The following B4GALT6 variants were observed in gnomAD, a reference collection of about 807,000 sequenced individuals.
The protein encoded by B4GALT6 is beta-1,4-galactosyltransferase 6.
B4GALT6 carries 14 observed loss-of-function variants against 46.3 expected under a neutral mutation model. That is an observed-to-expected ratio of 0.30 (90% CI 0.20 to 0.47). The LOEUF (loss-of-function observed/expected upper bound fraction) is 0.47. Ranked by LOEUF, B4GALT6 falls within the 20% of genes least tolerant of loss-of-function variation. B4GALT6 has a pLI of 0.99. For missense variants in B4GALT6, 386 were observed against 480.1 expected (o/e 0.80, Z 1.83); for synonymous variants, 168 against 162.0 (o/e 1.04, Z -0.28).
chr18:31,723,743 A>G, the B4GALT6 span, among the ~76,000 whole-genome samples: 6 of 152,196 alleles, frequency 3.9e-5, no homozygotes, highest in Admixed American at 1.3e-4. Flanking sequence ...TTTGGAATAA[A>G]TGACCGTAAT....
At chr18:31,674,169 C>T (rs1483104729) in intron 1 of B4GALT6, among the ~76,000 whole-genome samples, 2 of 152,014 alleles carry the variant, frequency 1.3e-5, no homozygotes, top group African/African-American at 4.8e-5. Context: ...AACATACCAC[C>T]CCACGACAGG....
rs869030382 is a variant in B4GALT6 at position 31,629,447 on chromosome 18, A to ATTTTTTTTT, written c.776+1503_776+1511dup. Among the ~76,000 whole-genome samples the ATTTTTTTTT allele has an allele frequency of 1.6e-3, 54 of 32,884 alleles. 12 individuals carry two copies. The highest frequency in any genetic ancestry group is 0.01 in the East Asian group (6 of 594). The allele number at this position is 32,884 out of a possible 152,430, so 21.6% of individuals were successfully genotyped here. ...ATTCTTAGTTTATATGCCCTTTATG[A>ATTTTTTTTT]TTTTTTTTTTTTTTTTTTTTTTTTT... On this transcript the variant is annotated intron_variant, in intron 6 of 8. Transcript: ENST00000306851.
rs758589504 is a variant in B4GALT6 at position 31,638,662 on chromosome 18, C to T, written c.570G>A (p.Ala190=). 2.7e-5 allele frequency: 44 copies of T among 1,613,474 alleles called. No homozygotes were observed. The highest frequency in any genetic ancestry group is 6.7e-5 in the African/African-American group (5 of 74,868). Residue 190 remains alanine (A), a synonymous_variant, in exon 5 of 9, where the codon GCG becomes GCA. Transcript: ENST00000306851. ...TTCTCACCTGTTCAATGACATAAAACGCAAATTCCAGCCGCTGCTTCTGGA... is the reference window on the plus strand; with the variant it reads ...TTCTCACCTGTTCAATGACATAAAATGCAAATTCCAGCCGCTGCTTCTGGA... The part of the protein sequence containing the change: ...PMLQKQRLEF[A]FYVIEQTGTQ...
At position 31,641,848 on chromosome 18, in the gene B4GALT6, C is replaced by T. The variant is rs368827007; in HGVS notation, c.472-3088G>A. Among the ~76,000 whole-genome samples, 10 of 152,290 alleles carry T rather than the reference C, an allele frequency of 6.6e-5. No individual in the cohort carries two copies. The East Asian group carries it at 1.3e-3, about 21-fold the overall frequency. On this transcript the variant is annotated intron_variant, in intron 4 of 8. Coordinates refer to ENST00000306851, the MANE Select transcript of B4GALT6 (RefSeq NM_004775.5). ...TCTCCTATATACACCATGAGGAGAA[C>T]ATCAAGAAAAATGTGTATCACATCA...
At chr18:31,636,676 A>G (rs1447526099) in intron 5 of B4GALT6, among the ~76,000 whole-genome samples, 2 of 152,224 alleles carry the variant, frequency 1.3e-5, no homozygotes, top group Non-Finnish European at 2.9e-5. Context: ...CTTAAATATG[A>G]GGTGACAATA....
intron 1 of B4GALT6, among the ~76,000 whole-genome samples, chr18:31,669,194 T>C (rs1331525472): frequency 3.3e-5 from 5 of 152,310 alleles, no homozygotes; most frequent in African/African-American, 7.2e-5. Context: ...CAAAGTTTCA[T>C]TGAGATATTC....
chr18:31,626,605 G>A (rs1310646174), intron 7 of B4GALT6, among the ~76,000 whole-genome samples: 1 of 152,104 alleles, frequency 6.6e-6, no homozygotes, highest in Non-Finnish European at 1.5e-5. Context: ...ATCAGCGAAT[G>A]GCATTAGATT....
intron 2 of B4GALT6, among the ~76,000 whole-genome samples, chr18:31,664,400 C>T (rs961825643): frequency 8.5e-5 from 13 of 152,138 alleles, no homozygotes; most frequent in Admixed American, 5.9e-4. Flanking sequence ...AACAGTTTTA[C>T]CATTAGTAAA....
chr18:31,682,247 G>C (rs2074488295), intron 1 of B4GALT6, among the ~76,000 whole-genome samples: 2 of 152,152 alleles, frequency 1.3e-5, no homozygotes, highest in Non-Finnish European at 2.9e-5. Context: ...GCGAAAATCT[G>C]AATTTTGGAA....
the B4GALT6 span, among the ~76,000 whole-genome samples, chr18:31,692,461 G>A: frequency 3.3e-5 from 5 of 152,256 alleles, no homozygotes; most frequent in South Asian, 1.0e-3. Flanking sequence ...AGAGCTAATG[G>A]GATTGAGCAA....
At chr18:31,635,993 G>C (rs946577892) in intron 5 of B4GALT6, among the ~76,000 whole-genome samples, 1 of 152,158 alleles carries the variant, frequency 6.6e-6, no homozygotes, top group Admixed American at 6.5e-5. Context: ...ATGGAACACA[G>C]AGACCAGAAA....
In B4GALT6 at chr18:31,683,409, C is replaced by T. The variant is rs138350695; in HGVS notation, c.115+903G>A. Among the ~76,000 whole-genome samples, 387 of 152,186 alleles carry T rather than the reference C, an allele frequency of 2.5e-3. 6 individuals are homozygous for T. Among genetic ancestry groups the T allele is most frequent in the Non-Finnish European group, 1.8e-3 (122 of 68,016 alleles). ...TTACTAAGTAATTGAACATTAAATA[C>T]GTAATAGCCAGGAAAAACTCAGAAA... On this transcript the variant is annotated intron_variant, in intron 1 of 8. Transcript: ENST00000306851.
the B4GALT6 span, chr18:31,724,559 GA>G: frequency 9.6e-7 from 1 of 1,038,240 alleles, no homozygotes; most frequent in African/African-American, 1.7e-5. Context: ...CTTTGGCTCA[GA>G]GTTTGGTTCC....
intron 2 of B4GALT6, among the ~76,000 whole-genome samples, chr18:31,661,769 G>A (rs1483748214): frequency 1.3e-5 from 2 of 152,150 alleles, no homozygotes; most frequent in Non-Finnish European, 2.9e-5. Flanking sequence ...AGAAAAAAAA[G>A]TAAGTTTGTC....
At chr18:31,658,113 C>CA (rs67738912) in intron 2 of B4GALT6, 24 bp from the exon 3 acceptor site, 122,617 of 1,234,508 alleles carry the variant, frequency 0.099, 2,458 homozygotes, top group African/African-American at 0.31. Flanking sequence ...AAAAGAGTTA[C>CA]AAAAAAAAAA....
intron 1 of B4GALT6, among the ~76,000 whole-genome samples, chr18:31,683,794 A>C (rs1230843324): frequency 2.0e-5 from 3 of 152,158 alleles, no homozygotes; most frequent in African/African-American, 7.2e-5. Context: ...AAAATTCCCC[A>C]AGTATGGCAC....
intron 6 of B4GALT6, among the ~76,000 whole-genome samples, chr18:31,627,471 A>T (rs1005315447): frequency 6.6e-6 from 1 of 152,182 alleles, no homozygotes; most frequent in Non-Finnish European, 1.5e-5. Context: ...ATAATGGTCA[A>T]TGCATGTCAG....
the B4GALT6 span, among the ~76,000 whole-genome samples, chr18:31,697,944 A>T: frequency 6.6e-6 from 1 of 152,124 alleles, no homozygotes; most frequent in Non-Finnish European, 1.5e-5. Flanking sequence ...TTGTTTCTCA[A>T]TAATGTGTTT....
At chr18:31,713,043 T>G in the B4GALT6 span, among the ~76,000 whole-genome samples, 1 of 152,226 alleles carries the variant, frequency 6.6e-6, no homozygotes, top group South Asian at 2.1e-4. Context: ...AAAGTAACAT[T>G]CTTATCTAAA....
Sources: allele counts gnomAD v4.1 joint callset (sites outside exome capture counted in the v4.1 genomes callset), GRCh38; gene constraint gnomAD v4.1.1; transcripts MANE v1.5; gene names NCBI Gene and HGNC (gene_info 2026-07-23, HGNC 2026-07-21).